The following STAG1 variants were observed in gnomAD, a reference collection of about 807,000 sequenced individuals.
STAG1 encodes the protein STAG1 cohesin complex component, also known as cohesin subunit SA-1.
In STAG1, 26 loss-of-function variants were observed where a neutral mutation model predicts 170.9. The observed-to-expected ratio is 0.15, with a 90% CI of 0.11 to 0.21. The LOEUF (loss-of-function observed/expected upper bound fraction) is 0.21, where lower values mean the gene tolerates loss of function less well. STAG1 is among the 10% of genes least tolerant of loss of function. The pLI is 1.00. For missense variants in STAG1, 964 were observed against 1,509.5 expected (o/e 0.64, Z 5.99); for synonymous variants, 514 against 497.7 (o/e 1.03, Z -0.44).
intron 21 of STAG1, among the ~76,000 whole-genome samples, chr3:136,399,334 T>G (rs1210449391): frequency 1.3e-5 from 2 of 152,090 alleles, no homozygotes; most frequent in Admixed American, 6.6e-5. Flanking sequence ...AAATAAAACA[T>G]TGCCAGCACC....
At chr3:136,367,748 C>G (rs1222983755) in intron 24 of STAG1, among the ~76,000 whole-genome samples, 1 of 152,094 alleles carries the variant, frequency 6.6e-6, no homozygotes, top group East Asian at 1.9e-4. Context: ...ACATTATCAA[C>G]TGAGAAACAA....
At chr3:136,642,260 A>G (rs1319028919) in intron 1 of STAG1, among the ~76,000 whole-genome samples, 1 of 130,436 alleles carries the variant, frequency 7.7e-6, no homozygotes, top group African/African-American at 3.2e-5. Context: ...AACAGACAGA[A>G]TTTCTTTTTT....
chr3:136,624,428 A>T (rs1576681743), intron 2 of STAG1, among the ~76,000 whole-genome samples: 2 of 152,194 alleles, frequency 1.3e-5, no homozygotes, highest in South Asian at 4.1e-4. Flanking sequence ...TACAGCTGCA[A>T]CTGATGAATG....
chr3:136,733,567 G>A (rs968082884), intron 1 of STAG1, among the ~76,000 whole-genome samples: 4 of 152,156 alleles, frequency 2.6e-5, no homozygotes, highest in African/African-American at 9.7e-5. Context: ...ACAGAAACAC[G>A]CAATTAGAAT....
At chr3:136,571,947 C>A (rs894412289) in intron 4 of STAG1, among the ~76,000 whole-genome samples, 3 of 152,100 alleles carry the variant, frequency 2.0e-5, no homozygotes, top group Non-Finnish European at 4.4e-5. Flanking sequence ...CTTTGGGAGG[C>A]CGAGATGGGT....
At chr3:136,508,449 A>G (rs778171498) in intron 7 of STAG1, among the ~76,000 whole-genome samples, 7 of 152,168 alleles carry the variant, frequency 4.6e-5, no homozygotes, top group Non-Finnish European at 7.3e-5. Context: ...GTGCTTTGTG[A>G]GGCAGAGGTG....
chr3:136,396,218 T>TTG (rs2108336194), intron 22 of STAG1, among the ~76,000 whole-genome samples: 1 of 144,114 alleles, frequency 6.9e-6, no homozygotes, highest in Admixed American at 6.9e-5. Context: ...AGTTTTTTTT[T>TTG]TTTTTTTTTT....
At chr3:136,733,232 G>A (rs1201831870) in intron 1 of STAG1, among the ~76,000 whole-genome samples, 1 of 151,550 alleles carries the variant, frequency 6.6e-6, no homozygotes, top group Admixed American at 6.6e-5. Flanking sequence ...CTACAGATGC[G>A]AGCCACCATG....
chr3:136,630,233 T>A (rs1050757852), intron 2 of STAG1, among the ~76,000 whole-genome samples: 1 of 152,112 alleles, frequency 6.6e-6, no homozygotes, highest in Admixed American at 6.6e-5. Context: ...CAATTCTAAA[T>A]CTGTCCTTAA....
chr3:136,350,800 T>C (rs919747173), intron 28 of STAG1, among the ~76,000 whole-genome samples: 1 of 152,196 alleles, frequency 6.6e-6, no homozygotes, highest in Non-Finnish European at 1.5e-5. Context: ...AGAAAATTCC[T>C]TTCCTAAGGG....
intron 9 of STAG1, among the ~76,000 whole-genome samples, chr3:136,489,243 G>A (rs992306105): frequency 7.2e-5 from 11 of 152,146 alleles, no homozygotes; most frequent in African/African-American, 2.7e-4. Context: ...TCATTACAAT[G>A]CATCCTTTTG....
chr3:136,550,876 C>T (rs139915521), intron 5 of STAG1, among the ~76,000 whole-genome samples: 17 of 152,196 alleles, frequency 1.1e-4, no homozygotes, highest in Admixed American at 3.3e-4. Flanking sequence ...GCTTTTCTCA[C>T]GGTTAGACAG....
At chr3:136,593,683 A>G (rs1938294709) in intron 4 of STAG1, among the ~76,000 whole-genome samples, 1 of 152,218 alleles carries the variant, frequency 6.6e-6, no homozygotes, top group Non-Finnish European at 1.5e-5. Flanking sequence ...TGCTATTTTC[A>G]GTTTTCCAAT....
chr3:136,468,100 G>C (rs2089520181), intron 12 of STAG1, among the ~76,000 whole-genome samples: 3 of 152,146 alleles, frequency 2.0e-5, no homozygotes, highest in African/African-American at 7.2e-5. Flanking sequence ...GAAAGAACTA[G>C]AGAAGGAAGA....
intron 3 of STAG1, among the ~76,000 whole-genome samples, chr3:136,607,143 T>C (rs533444471): frequency 7.2e-5 from 11 of 152,276 alleles, no homozygotes; most frequent in African/African-American, 2.4e-4. Context: ...TTGGCTGACA[T>C]AGTGTTTTGT....
At chr3:136,715,236 C>G (rs1336223636) in intron 1 of STAG1, among the ~76,000 whole-genome samples, 3 of 148,326 alleles carry the variant, frequency 2.0e-5, no homozygotes, top group Non-Finnish European at 4.5e-5. Context: ...TAGTCTCAAA[C>G]TCCAGGGCTC....
chr3:136,434,519 C>A (rs1217524520), intron 15 of STAG1, among the ~76,000 whole-genome samples: 2 of 152,140 alleles, frequency 1.3e-5, no homozygotes, highest in African/African-American at 4.8e-5. Flanking sequence ...CTACTATTCA[C>A]CTTTCTTATC....
chr3:136,446,610 A>G (rs1309363624), intron 14 of STAG1, among the ~76,000 whole-genome samples: 1 of 151,834 alleles, frequency 6.6e-6, no homozygotes, highest in Admixed American at 6.6e-5. Flanking sequence ...TTTAGTAGAG[A>G]GAGGCTTTCA....
chr3:136,668,205 A>G (rs1371764894), intron 1 of STAG1, among the ~76,000 whole-genome samples: 1 of 151,266 alleles, frequency 6.6e-6, no homozygotes, highest in Non-Finnish European at 1.5e-5. Context: ...AATGCATTCT[A>G]GCCGAGGCAA....
Sources: gnomAD v4.1 joint callset for allele counts (sites outside exome capture counted in the v4.1 genomes callset) on GRCh38, gnomAD v4.1.1 for gene constraint, MANE v1.5 for transcripts, NCBI Gene and HGNC (gene_info 2026-07-23, HGNC 2026-07-21) for gene names.